TASP1: variants seen among roughly 807,000 people sequenced by gnomAD.
TASP1 encodes threonine aspartase 1.
TASP1 carries 16 observed loss-of-function variants against 56.6 expected under a neutral mutation model. The ratio of observed to expected loss-of-function variants is 0.28; its 90% CI spans 0.19 to 0.43. The LOEUF is 0.43. Among genes scored for constraint, TASP1 ranks in the 20% least tolerant of loss-of-function variants. The pLI, the probability that TASP1 is intolerant of heterozygous loss-of-function variation, is 1.00. For missense variants in TASP1, 393 were observed against 511.6 expected (o/e 0.77, Z 2.24); for synonymous variants, 179 against 184.2 (o/e 0.97, Z 0.23).
At chr20:13,353,039 C>T in the TASP1 span, among the ~76,000 whole-genome samples, 1 of 152,172 alleles carries the variant, frequency 6.6e-6, no homozygotes, top group South Asian at 2.1e-4. Context: ...GAGTTGAAGA[C>T]CAACCTGAGC....
At chr20:13,236,082 G>A in the TASP1 span, among the ~76,000 whole-genome samples, 7 of 152,010 alleles carry the variant, frequency 4.6e-5, no homozygotes, top group East Asian at 9.7e-4. Flanking sequence ...CCACCACCAC[G>A]CACGGCTAAT....
chr20:13,259,294 C>A, the TASP1 span, among the ~76,000 whole-genome samples: 768 of 143,606 alleles, frequency 5.3e-3, 7 homozygotes, highest in African/African-American at 0.014. Context: ...AAAAAAAAAA[C>A]AAAAACAAAA....
chr20:13,479,563 A>C (rs1289687972), intron 11 of TASP1, among the ~76,000 whole-genome samples: 1 of 151,870 alleles, frequency 6.6e-6, no homozygotes, highest in Admixed American at 6.6e-5. Context: ...CCCATGTTCA[A>C]GCGATTCTCC....
intron 6 of TASP1, 74 bp from the exon 7 acceptor site, chr20:13,569,660 T>C (rs2046649578): frequency 5.4e-6 from 7 of 1,299,172 alleles, no homozygotes; most frequent in Middle Eastern, 2.5e-4. Flanking sequence ...ATAGGTAATA[T>C]GGTAAGGCAG....
the TASP1 span, among the ~76,000 whole-genome samples, chr20:13,322,744 C>A: frequency 1.3e-5 from 2 of 152,128 alleles, no homozygotes; most frequent in Admixed American, 1.3e-4. Flanking sequence ...AATATGTGAT[C>A]TTTATCTAAT....
intron 8 of TASP1, among the ~76,000 whole-genome samples, chr20:13,555,214 T>C (rs1418800691): frequency 2.6e-5 from 4 of 151,718 alleles, no homozygotes; most frequent in African/African-American, 4.8e-5. Context: ...TGAAACCCCA[T>C]CTCTACTAAA....
chr20:13,377,355 G>A, the TASP1 span, among the ~76,000 whole-genome samples: 13 of 152,230 alleles, frequency 8.5e-5, no homozygotes, highest in African/African-American at 3.1e-4. Context: ...CATTGGTTCT[G>A]TTTATGTGAT....
the TASP1 span, among the ~76,000 whole-genome samples, chr20:13,276,379 T>C: frequency 6.6e-6 from 1 of 152,296 alleles, no homozygotes; most frequent in East Asian, 1.9e-4. Context: ...AGAGTTTGCT[T>C]CTAGTCAATG....
At chr20:13,630,670 C>A (rs1469330620) in intron 1 of TASP1, among the ~76,000 whole-genome samples, 95 of 63,438 alleles carry the variant, frequency 1.5e-3, no homozygotes, top group African/African-American at 5.0e-3. Flanking sequence ...GCCTGGGCAA[C>A]AAAGTAAGCT....
At chr20:13,623,343 T>C (rs1049257859) in intron 4 of TASP1, 103 bp downstream of exon 4, 3 of 893,786 alleles carry the variant, frequency 3.4e-6, no homozygotes, top group Non-Finnish European at 5.2e-6. Flanking sequence ...TGGGAAACAC[T>C]GCTCATATAA....
chr20:13,405,135 C>T (rs955394248), intron 13 of TASP1, among the ~76,000 whole-genome samples: 14 of 152,114 alleles, frequency 9.2e-5, no homozygotes, highest in Non-Finnish European at 2.9e-5. Context: ...CTGAAAAATT[C>T]TTTATATCCC....
the TASP1 span, among the ~76,000 whole-genome samples, chr20:13,205,697 C>A: frequency 6.6e-6 from 1 of 152,150 alleles, no homozygotes; most frequent in Non-Finnish European, 1.5e-5. Context: ...GCCCCACCTC[C>A]GAATGCCATC....
the TASP1 span, among the ~76,000 whole-genome samples, chr20:13,195,488 C>A: frequency 6.6e-6 from 1 of 152,216 alleles, no homozygotes; most frequent in Non-Finnish European, 1.5e-5. Context: ...ATCAAGGAAT[C>A]ATTCCTTGCT....
At chr20:13,368,114 T>C in the TASP1 span, among the ~76,000 whole-genome samples, 3 of 150,614 alleles carry the variant, frequency 2.0e-5, no homozygotes, top group Admixed American at 2.0e-4. Context: ...GCCTATTATA[T>C]TGGCATATTT....
intron 7 of TASP1, among the ~76,000 whole-genome samples, chr20:13,569,165 G>A (rs1392673588): frequency 6.6e-6 from 1 of 151,900 alleles, no homozygotes; most frequent in Non-Finnish European, 1.5e-5. Flanking sequence ...CTCAAGGACT[G>A]TTAAATATTG....
intron 4 of TASP1, among the ~76,000 whole-genome samples, chr20:13,602,396 A>G (rs1037838635): frequency 6.6e-6 from 1 of 152,226 alleles, no homozygotes. Flanking sequence ...AAAAGGCATT[A>G]GGCAAAAACT....
At chr20:13,392,645 G>T in intron 13 of TASP1, 1 of 418,074 alleles carries the variant, frequency 2.4e-6, no homozygotes. Flanking sequence ...AGAGACAGCC[G>T]CATCTTCTCA....
the TASP1 span, among the ~76,000 whole-genome samples, chr20:13,289,099 C>A: frequency 6.6e-6 from 1 of 152,210 alleles, no homozygotes; most frequent in Non-Finnish European, 1.5e-5. Flanking sequence ...TCTAATAAGA[C>A]TTCTGACCAG....
intron 8 of TASP1, among the ~76,000 whole-genome samples, chr20:13,537,656 C>T (rs954290148): frequency 3.3e-5 from 5 of 152,212 alleles, no homozygotes; most frequent in Admixed American, 6.5e-5. Context: ...CTAAAACATG[C>T]TATTTGTATT....
Sources: gnomAD v4.1 joint callset for allele counts (sites outside exome capture counted in the v4.1 genomes callset) on GRCh38, gnomAD v4.1.1 for gene constraint, MANE v1.5 for transcripts, NCBI Gene and HGNC (gene_info 2026-07-23, HGNC 2026-07-21) for gene names.